Variants in SUPT3H observed in about 807,000 individuals in gnomAD.
SUPT3H encodes transcription initiation protein SPT3 homolog.
SUPT3H carries 44 observed loss-of-function variants against 44.3 expected under a neutral mutation model. That is an observed-to-expected ratio of 0.99 (90% CI 0.78 to 1.28). The LOEUF is 1.28. Among genes scored for constraint, SUPT3H ranks in the 50% most tolerant of loss-of-function variants. SUPT3H has a pLI of 0.00. For missense variants in SUPT3H, 380 were observed against 387.1 expected (o/e 0.98, Z 0.15); for synonymous variants, 124 against 125.6 (o/e 0.99, Z 0.09).
intron 2 of SUPT3H, among the ~76,000 whole-genome samples, chr6:45,207,828 A>T (rs934669238): frequency 4.6e-5 from 7 of 151,952 alleles, no homozygotes; most frequent in African/African-American, 1.7e-4. Context: ...CCCATCTCAC[A>T]CCCTCTCCTG....
At chr6:45,351,709 C>A (rs911877985) in intron 2 of SUPT3H, among the ~76,000 whole-genome samples, 4 of 152,170 alleles carry the variant, frequency 2.6e-5, no homozygotes, top group African/African-American at 9.7e-5. Context: ...ACTTTCTATT[C>A]TATCCCTCCC....
intron 2 of SUPT3H, among the ~76,000 whole-genome samples, chr6:45,189,679 C>T (rs1481377789): frequency 2.6e-5 from 4 of 152,014 alleles, no homozygotes; most frequent in African/African-American, 4.8e-5. Context: ...AGAGGAAGTC[C>T]TCACCACCAA....
intron 10 of SUPT3H, among the ~76,000 whole-genome samples, chr6:44,832,745 G>A (rs1212707454): frequency 1.3e-5 from 2 of 151,992 alleles, no homozygotes; most frequent in Non-Finnish European, 2.9e-5. Flanking sequence ...TTCATACAGT[G>A]CCAAATTACG....
In SUPT3H at chr6:45,140,713, G is replaced by A. The variant is rs768078569; in HGVS notation, c.102-34707C>T. On this transcript the variant is annotated intron_variant, in intron 2 of 10. Coordinates refer to ENST00000371459, the MANE Select transcript of SUPT3H (RefSeq NM_003599.4). ...ACCCATGGCTGGGAGACCTGAAGAC[G>A]GATAACATCACAGAACTCTCTGCAG... 7.9e-5 allele frequency among the ~76,000 whole-genome samples: 12 copies of A among 152,158 alleles called. No individual in the cohort carries two copies. The South Asian group carries it at 8.3e-4, about 11-fold the overall frequency.
intron 6 of SUPT3H, among the ~76,000 whole-genome samples, chr6:45,002,591 T>C (rs1331843953): frequency 6.6e-6 from 1 of 152,108 alleles, no homozygotes; most frequent in African/African-American, 2.4e-5. Context: ...CAGAAATACA[T>C]GTTTATCATC....
chr6:45,094,023 T>C, intron 3 of SUPT3H, among the ~76,000 whole-genome samples: 1 of 152,112 alleles, frequency 6.6e-6, no homozygotes, highest in Non-Finnish European at 1.5e-5. Flanking sequence ...TAATATAGAC[T>C]CAGTCACACA....
chr6:45,358,328 G>C (rs1344844700), intron 2 of SUPT3H, among the ~76,000 whole-genome samples: 2 of 152,088 alleles, frequency 1.3e-5, no homozygotes, highest in East Asian at 3.9e-4. Context: ...TCAGCTGCCT[G>C]GCTTATTTAA....
chr6:44,866,357 G>A (rs3846896), intron 10 of SUPT3H, among the ~76,000 whole-genome samples: 63,702 of 151,608 alleles, frequency 0.42, 13,731 homozygotes, highest in East Asian at 0.7. Flanking sequence ...AGCAGTGCAC[G>A]CCTGTAGTCC....
At chr6:45,022,816 T>C (rs1785357807) in intron 3 of SUPT3H, among the ~76,000 whole-genome samples, 1 of 152,050 alleles carries the variant, frequency 6.6e-6, no homozygotes, top group African/African-American at 2.4e-5. Flanking sequence ...CATACCAAAA[T>C]ACTCAAGTCC....
intron 7 of SUPT3H, among the ~76,000 whole-genome samples, chr6:44,961,332 A>G (rs1193684266): frequency 6.6e-6 from 1 of 152,244 alleles, no homozygotes; most frequent in Admixed American, 6.5e-5. Context: ...GGTAATGAGT[A>G]TACATAAAGG....
intron 3 of SUPT3H, among the ~76,000 whole-genome samples, chr6:45,023,627 C>A (rs920627470): frequency 6.6e-6 from 1 of 152,102 alleles, no homozygotes; most frequent in African/African-American, 2.4e-5. Flanking sequence ...TTTGTGGGAA[C>A]ATGGATGGAG....
rs765270979 is a variant in SUPT3H, at chr6:45,230,660, G to GCCTATATATATATATATATATA, written c.102-124655_102-124654insTATATATATATATATATATAGG. Among the ~76,000 whole-genome samples, 278 of 51,012 alleles carry GCCTATATATATATATATATATA rather than the reference G, an allele frequency of 5.4e-3. 6 individuals are homozygous for GCCTATATATATATATATATATA. Among genetic ancestry groups the GCCTATATATATATATATATATA allele is most frequent in the East Asian group, 0.017 (24 of 1,388 alleles). 33.5% of individuals were successfully genotyped at this position (51,012 alleles called of 152,430 possible). A position where few individuals can be genotyped will look rare whatever the true frequency, so the allele number is the denominator to read the frequency against. ...TGAAATCATGTTTTAAATTCATTCAGTCTATATATATATATATATATATAT... is the reference window on the plus strand; with the variant it reads ...TGAAATCATGTTTTAAATTCATTCAGCCTATATATATATATATATATATCTATATATATATATATATATATAT... On this transcript the variant is annotated intron_variant, in intron 2 of 10. Transcript: ENST00000371459.
At chr6:45,313,883 A>G (rs1784336491) in intron 2 of SUPT3H, among the ~76,000 whole-genome samples, 1 of 152,188 alleles carries the variant, frequency 6.6e-6, no homozygotes, top group East Asian at 1.9e-4. Context: ...CATAGATACT[A>G]AAATCCTTAA....
chr6:44,993,135 C>T (rs568228761), intron 6 of SUPT3H, among the ~76,000 whole-genome samples: 2 of 152,164 alleles, frequency 1.3e-5, no homozygotes, highest in Admixed American at 6.6e-5. Context: ...GGCATTTCAG[C>T]CTGGGGAACA....
At chr6:45,154,346 A>T (rs1807462821) in intron 2 of SUPT3H, among the ~76,000 whole-genome samples, 1 of 152,114 alleles carries the variant, frequency 6.6e-6, no homozygotes, top group African/African-American at 2.4e-5. Context: ...AAAAAAGAAG[A>T]AGAAGAAAAC....
intron 11 of SUPT3H, among the ~76,000 whole-genome samples, chr6:44,816,926 T>C (rs534332663): frequency 7.0e-4 from 106 of 151,860 alleles, no homozygotes; most frequent in African/African-American, 2.5e-3. Flanking sequence ...CCAGGCATGG[T>C]GATGTGTGCT....
chr6:45,353,581 A>G lies in SUPT3H; in HGVS notation c.101+11620T>C, dbSNP rs1469898530. Reference sequence around the variant, plus strand: ...GTACACTGGCAAATCAATTTGAAGAAAAATTATTCTAACTTAGAACCCTCC... The same window carrying G: ...GTACACTGGCAAATCAATTTGAAGAGAAATTATTCTAACTTAGAACCCTCC... On this transcript the variant is annotated intron_variant, in intron 2 of 10. Transcript: ENST00000371459. 4.6e-5 allele frequency among the ~76,000 whole-genome samples: 7 copies of G among 152,230 alleles called. No homozygotes were observed. In the East Asian group the frequency reaches 1.3e-3, roughly 29 times the overall value.
chr6:45,174,400 AG>A, intron 2 of SUPT3H, among the ~76,000 whole-genome samples: 1 of 152,308 alleles, frequency 6.6e-6, no homozygotes, highest in East Asian at 1.9e-4. Context: ...TTATGACACA[AG>A]GGTATTTAAG....
chr6:44,834,077 A>AG (rs1769360472), intron 10 of SUPT3H, among the ~76,000 whole-genome samples: 1 of 152,170 alleles, frequency 6.6e-6, no homozygotes, highest in Admixed American at 6.5e-5. Flanking sequence ...CAGATGCTGT[A>AG]GCTCCAGTTC....
Sources: allele counts gnomAD v4.1 joint callset (sites outside exome capture counted in the v4.1 genomes callset), GRCh38; gene constraint gnomAD v4.1.1; transcripts MANE v1.5; gene names NCBI Gene and HGNC (gene_info 2026-07-23, HGNC 2026-07-21).